CADM2: variants seen among roughly 807,000 people sequenced by gnomAD.
CADM2 encodes the protein immunoglobulin superfamily member 4D.
Under a neutral mutation model 49.8 loss-of-function variants are expected in CADM2, and 12 were observed. The ratio of observed to expected loss-of-function variants is 0.24; its 90% confidence interval spans 0.15 to 0.39. The LOEUF is 0.39. Ranked by LOEUF, CADM2 falls within the 10% of genes least tolerant of loss-of-function variation. The pLI, the probability that CADM2 is intolerant of heterozygous loss-of-function variation, is 1.00. For synonymous variants in CADM2, 214 were observed against 175.4 expected, an observed-to-expected ratio of 1.22 and a Z score of -1.74; for missense variants, 378 against 492.3, an observed-to-expected ratio of 0.77 and a Z score of 2.20.
chr3:85,046,137 A>G (rs2107384320), intron 1 of CADM2, among the ~76,000 whole-genome samples: 1 of 152,220 alleles, frequency 6.6e-6, no homozygotes, highest in South Asian at 2.1e-4. Flanking sequence ...AAGGAAGTTT[A>G]ATAATTCTGA....
chr3:85,345,415 A>C (rs1490929169), intron 1 of CADM2, among the ~76,000 whole-genome samples: 1 of 152,084 alleles, frequency 6.6e-6, no homozygotes, highest in Non-Finnish European at 1.5e-5. Flanking sequence ...AATCACTTTT[A>C]AATGATCAAA....
At chr3:85,891,956 C>T (rs545002560) in intron 5 of CADM2, among the ~76,000 whole-genome samples, 7 of 152,274 alleles carry the variant, frequency 4.6e-5, no homozygotes, top group Admixed American at 1.3e-4. Context: ...TTGTTTTAAG[C>T]CATTAAACTT....
At chr3:85,299,939 C>T (rs1452122) in intron 1 of CADM2, among the ~76,000 whole-genome samples, 15,907 of 151,776 alleles carry the variant, frequency 0.1, 984 homozygotes, top group African/African-American at 0.17. Flanking sequence ...ACACAAAGTA[C>T]GACAAAGATT....
intron 8 of CADM2, among the ~76,000 whole-genome samples, chr3:85,977,505 T>G (rs1319581042): frequency 6.6e-6 from 1 of 151,620 alleles, no homozygotes; most frequent in Non-Finnish European, 1.5e-5. Context: ...GGTATTATTT[T>G]CTATTTTAGA....
intron 1 of CADM2, among the ~76,000 whole-genome samples, chr3:85,387,318 C>A (rs557624771): frequency 6.6e-6 from 1 of 152,066 alleles, no homozygotes. Flanking sequence ...TAAGCAAATA[C>A]GAGTTAGTGT....
intron 3 of CADM2, among the ~76,000 whole-genome samples, chr3:85,825,315 T>A (rs930673609): frequency 1.3e-5 from 2 of 152,022 alleles, no homozygotes; most frequent in African/African-American, 4.8e-5. Flanking sequence ...TAACAAAAGA[T>A]GAATAGCTCA....
intron 1 of CADM2, among the ~76,000 whole-genome samples, chr3:85,198,786 T>C (rs2107740170): frequency 6.6e-6 from 1 of 152,038 alleles, no homozygotes; most frequent in East Asian, 1.9e-4. Flanking sequence ...TCAGTTGTAA[T>C]TGTTATGTCT....
chr3:85,246,471 AT>A (rs1316985634), intron 1 of CADM2, among the ~76,000 whole-genome samples: 1 of 152,080 alleles, frequency 6.6e-6, no homozygotes, highest in African/African-American at 2.4e-5. Flanking sequence ...TAATAAAATA[AT>A]TCATTTATTG....
intron 1 of CADM2, among the ~76,000 whole-genome samples, chr3:84,998,334 C>A (rs1404853887): frequency 6.6e-6 from 1 of 152,022 alleles, no homozygotes; most frequent in Non-Finnish European, 1.5e-5. Context: ...AAAAGGTTTT[C>A]CTGCCAGTTT....
chr3:85,871,864 T>G (rs1466780330), intron 3 of CADM2, among the ~76,000 whole-genome samples: 1 of 152,212 alleles, frequency 6.6e-6, no homozygotes, highest in African/African-American at 2.4e-5. Flanking sequence ...TGGCATTTTC[T>G]TTTGTCCAGT....
chr3:86,014,268 G>T lies in CADM2; in HGVS notation c.971-51337G>T. The T allele has an allele frequency of 6.0e-6, 8 of 1,322,916 alleles. No homozygotes were observed. The South Asian group carries it at 8.3e-5, about 14-fold the overall frequency. 81.9% of individuals were successfully genotyped at this position (1,322,916 alleles called of 1,614,324 possible). On this transcript the variant is annotated intron_variant, in intron 8 of 9. Transcript: ENST00000383699. The stretch of plus-strand genomic sequence containing the variant: ...ACTCTGCAGTGCAGTAACAGATTTT[G>T]ATTTCATTGTTACTATTGTTGTTCT...
chr3:86,028,616 CTTCT>C (rs1451914910), intron 8 of CADM2, among the ~76,000 whole-genome samples: 1 of 152,034 alleles, frequency 6.6e-6, no homozygotes, highest in Non-Finnish European at 1.5e-5. Context: ...GTATATTTCA[CTTCT>C]TTCTATCTTT....
intron 1 of CADM2, among the ~76,000 whole-genome samples, chr3:85,056,258 A>G (rs2036075864): frequency 6.6e-6 from 1 of 152,080 alleles, no homozygotes; most frequent in Admixed American, 6.6e-5. Context: ...ATGAGAGTGG[A>G]CAGTGTGGGG....
At chr3:85,491,401 T>C (rs1245019255) in intron 1 of CADM2, among the ~76,000 whole-genome samples, 1 of 152,186 alleles carries the variant, frequency 6.6e-6, no homozygotes, top group Non-Finnish European at 1.5e-5. Flanking sequence ...TCCATAAAAG[T>C]ATACATTCTC....
chr3:85,065,503 G>A (rs772741952), intron 1 of CADM2, among the ~76,000 whole-genome samples: 2 of 151,964 alleles, frequency 1.3e-5, no homozygotes, highest in South Asian at 4.1e-4. Context: ...ACACCTTCAT[G>A]CTCTAAACTT....
intron 1 of CADM2, among the ~76,000 whole-genome samples, chr3:85,619,836 A>G (rs977590737): frequency 6.6e-6 from 1 of 152,208 alleles, no homozygotes; most frequent in Admixed American, 6.5e-5. Context: ...GCCAGTGCAT[A>G]ACTTAAAATC....
At chr3:85,904,189 C>T (rs1211230114) in intron 5 of CADM2, among the ~76,000 whole-genome samples, 2 of 152,204 alleles carry the variant, frequency 1.3e-5, no homozygotes, top group Admixed American at 6.5e-5. Flanking sequence ...TGGTAGCTTC[C>T]GGTCTTCTTG....
chr3:85,564,101 T>G (rs920361735), intron 1 of CADM2, among the ~76,000 whole-genome samples: 1 of 152,038 alleles, frequency 6.6e-6, no homozygotes. Flanking sequence ...CTTAGCTTGG[T>G]TCTAAAAATT....
At chr3:85,589,635 AT>A (rs535025054) in intron 1 of CADM2, among the ~76,000 whole-genome samples, 4 of 151,998 alleles carry the variant, frequency 2.6e-5, no homozygotes, top group Admixed American at 2.6e-4. Context: ...ACAAATAAAT[AT>A]TTTTAGTATT....
Sources: gnomAD v4.1 joint callset for allele counts (sites outside exome capture counted in the v4.1 genomes callset) on GRCh38, gnomAD v4.1.1 for gene constraint, MANE v1.5 for transcripts, NCBI Gene and HGNC (gene_info 2026-07-23, HGNC 2026-07-21) for gene names.